Variants in MMS22L observed in about 807,000 individuals in gnomAD.
MMS22L encodes MMS22 like, DNA repair protein.
Under a neutral mutation model 159.1 loss-of-function variants are expected in MMS22L, and 74 were observed. That is an observed-to-expected ratio of 0.47 (90% CI 0.39 to 0.56). The LOEUF is 0.56. MMS22L is among the 20% of genes least tolerant of loss of function. MMS22L has a pLI of 0.00. For synonymous variants in MMS22L, 517 were observed against 506.9 expected (o/e 1.02, Z -0.27); for missense variants, 1,351 against 1,422.1 (o/e 0.95, Z 0.80).
intron 14 of MMS22L, among the ~76,000 whole-genome samples, chr6:97,214,371 G>C (rs150551315): frequency 6.6e-6 from 1 of 152,172 alleles, no homozygotes; most frequent in South Asian, 2.1e-4. Context: ...TAATAATGTA[G>C]ATGTCATCAA....
At chr6:97,244,869 C>A (rs934229006) in intron 11 of MMS22L, among the ~76,000 whole-genome samples, 1 of 152,064 alleles carries the variant, frequency 6.6e-6, no homozygotes, top group Non-Finnish European at 1.5e-5. Flanking sequence ...TTGATGCGAC[C>A]ACTGTGGAGT....
intron 3 of MMS22L, among the ~76,000 whole-genome samples, chr6:97,279,362 T>C (rs1302017334): frequency 6.6e-6 from 1 of 152,108 alleles, no homozygotes; most frequent in Non-Finnish European, 1.5e-5. Context: ...CGGACGCCTG[T>C]AGTCCCAGCT....
At chr6:97,187,410 A>C (rs1805363892) in intron 14 of MMS22L, among the ~76,000 whole-genome samples, 1 of 152,174 alleles carries the variant, frequency 6.6e-6, no homozygotes, top group Non-Finnish European at 1.5e-5. Flanking sequence ...AGAGGGAAAT[A>C]AGAGATCTTC....
intron 20 of MMS22L, among the ~76,000 whole-genome samples, chr6:97,165,945 G>A (rs1249885356): frequency 1.3e-5 from 2 of 151,906 alleles, no homozygotes; most frequent in East Asian, 1.9e-4. Flanking sequence ...ATTAAGACTC[G>A]GAATAACAAT....
At chr6:97,172,571 G>T (rs1453530552) in intron 19 of MMS22L, among the ~76,000 whole-genome samples, 1 of 152,118 alleles carries the variant, frequency 6.6e-6, no homozygotes, top group Non-Finnish European at 1.5e-5. Flanking sequence ...AACGGGCATA[G>T]AAAATGATTT....
At chr6:97,260,929 T>C (rs1027586679) in intron 9 of MMS22L, 2 of 152,074 alleles carry the variant, frequency 1.3e-5, no homozygotes, top group African/African-American at 4.8e-5. Context: ...TTTAAGACCC[T>C]AAATTTTCTG....
At chr6:97,270,022 G>A (rs769898506) in intron 6 of MMS22L, 30 bp from the exon 7 acceptor site, 42 of 1,529,536 alleles carry the variant, frequency 2.7e-5, no homozygotes, top group Non-Finnish European at 3.6e-5. Context: ...CTGTGATTGA[G>A]AATTCATTAA....
rs768715246 is a variant in MMS22L at position 97,228,874 on chromosome 6, C to T, written c.2039+20G>A. 4 of 1,575,732 alleles carry T rather than the reference C, an allele frequency of 2.5e-6. No individual in the cohort carries two copies. In the East Asian group the frequency reaches 6.7e-5, roughly 27 times the overall value. On this transcript the variant is annotated intron_variant, in intron 14 of 24. Coordinates refer to ENST00000683635, the MANE Select transcript of MMS22L (RefSeq NM_001350599.2). ...TTATATAAAACAAATCATAAATTAG[C>T]ATACAACTGAAAACCATACCTGATT...
At chr6:97,160,077 A>G (rs1035615987) in intron 22 of MMS22L, among the ~76,000 whole-genome samples, 4 of 147,818 alleles carry the variant, frequency 2.7e-5, no homozygotes, top group South Asian at 2.1e-4. Flanking sequence ...CTATATTTCT[A>G]TAAGTTATAG....
At chr6:97,174,479 C>T (rs1004701524) in intron 18 of MMS22L, among the ~76,000 whole-genome samples, 16 of 151,668 alleles carry the variant, frequency 1.1e-4, no homozygotes, top group African/African-American at 3.9e-4. Flanking sequence ...GTAGGTGTGA[C>T]CAAAAGAAAA....
Position 97,248,847 on chromosome 6 carries a change from A to C in MMS22L, c.1120-2157T>G, listed in dbSNP as rs1360297821. Among the ~76,000 whole-genome samples the C allele has an allele frequency of 4.0e-5, 6 of 151,484 alleles. No homozygotes were observed. In the East Asian group the frequency reaches 9.7e-4, roughly 25 times the overall value. On this transcript the variant is annotated intron_variant, in intron 10 of 24. Coordinates refer to ENST00000683635, the MANE Select transcript of MMS22L (RefSeq NM_001350599.2). ...GCACTCCAGTCTGGGCAACAGAGGGAGACTTTGTCTCAAAAAAAAAAAAAA... is the reference window on the plus strand; with the variant it reads ...GCACTCCAGTCTGGGCAACAGAGGGCGACTTTGTCTCAAAAAAAAAAAAAA...
At chr6:97,275,655 A>G (rs890370801) in intron 4 of MMS22L, among the ~76,000 whole-genome samples, 10 of 152,340 alleles carry the variant, frequency 6.6e-5, no homozygotes, top group African/African-American at 2.4e-4. Context: ...GAATGTCTAG[A>G]GAAAAAAAAC....
In MMS22L at chr6:97,282,462, C is replaced by T. The variant is rs142867826; in HGVS notation, c.16G>A (p.Ala6Thr). Residue 6 changes from alanine to threonine, a missense_variant, in exon 2 of 25, where the codon GCT becomes ACT. Physicochemically the swap from Ala to Thr is moderately conservative, Grantham distance 58. Coordinates refer to ENST00000683635, the MANE Select transcript of MMS22L (RefSeq NM_001350599.2). ...CTGTCAGTCAGGAACGTCGATGCAG[C>T]AGAACAGTTCTCCATTGTTTACTTC... Reference protein sequence around the residue: MENCSAASTFLTDSLE... With the variant: MENCSTASTFLTDSLE... The T allele has an allele frequency of 1.4e-4, 231 of 1,607,154 alleles. No individual in the cohort carries two copies. In the African/African-American group the frequency reaches 2.7e-3, roughly 19 times the overall value.
chr6:97,199,302 A>C (rs73488501), intron 14 of MMS22L, among the ~76,000 whole-genome samples: 207 of 152,268 alleles, frequency 1.4e-3, no homozygotes, highest in African/African-American at 4.8e-3. Context: ...GTTGGTAATA[A>C]ATTTTTATAA....
At chr6:97,260,163 T>C (rs1814301450) in intron 9 of MMS22L, 1 of 152,224 alleles carries the variant, frequency 6.6e-6, no homozygotes. Context: ...TGCTTGGGGT[T>C]AATCTTTCAA....
chr6:97,166,305 C>T lies in MMS22L; in HGVS notation c.3010-848G>A, dbSNP rs867278260. Reference sequence around the variant, plus strand: ...ATAGATAATCACCAACACAGCAATACATTATATTATAAAAGTTAACTCTTA... The same window carrying T: ...ATAGATAATCACCAACACAGCAATATATTATATTATAAAAGTTAACTCTTA... On this transcript the variant is annotated intron_variant, in intron 20 of 24. Coordinates refer to ENST00000683635, the MANE Select transcript of MMS22L (RefSeq NM_001350599.2). Among the ~76,000 whole-genome samples, 20 of 152,178 alleles carry T rather than the reference C, an allele frequency of 1.3e-4. 1 individual carries two copies. The South Asian group carries it at 2.5e-3, about 19-fold the overall frequency.
At chr6:97,155,552 G>A (rs886994360) in intron 22 of MMS22L, among the ~76,000 whole-genome samples, 1 of 152,156 alleles carries the variant, frequency 6.6e-6, no homozygotes, top group Non-Finnish European at 1.5e-5. Flanking sequence ...TTATAAGTGA[G>A]AACACGCGGT....
intron 20 of MMS22L, among the ~76,000 whole-genome samples, chr6:97,167,210 C>G (rs1803043971): frequency 6.6e-6 from 1 of 152,098 alleles, no homozygotes; most frequent in Non-Finnish European, 1.5e-5. Context: ...TTACCTTCAT[C>G]CCGACATCTC....
intron 6 of MMS22L, chr6:97,270,435 C>A: frequency 3.2e-6 from 1 of 315,098 alleles, no homozygotes; most frequent in Admixed American, 4.3e-5. Flanking sequence ...ACATTATTGT[C>A]ATCTCATTAA....
Sources: allele counts gnomAD v4.1 joint callset (sites outside exome capture counted in the v4.1 genomes callset), GRCh38; gene constraint gnomAD v4.1.1; transcripts MANE v1.5; gene names NCBI Gene and HGNC (gene_info 2026-07-23, HGNC 2026-07-21).